PTPRG: variants seen among roughly 807,000 people sequenced by gnomAD.
PTPRG encodes protein tyrosine phosphatase receptor type G.
A neutral mutation model predicts 165.3 loss-of-function variants in PTPRG; 102 were observed. The observed-to-expected ratio is 0.62, with a 90% CI of 0.53 to 0.73. The LOEUF is 0.73. Among genes scored for constraint, PTPRG ranks in the 30% least tolerant of loss-of-function variants. The pLI is 0.00. For missense variants in PTPRG, 1,866 were observed against 1,861.4 expected (o/e 1.00, Z -0.05); for synonymous variants, 675 against 669.5 (o/e 1.01, Z -0.13).
chr3:61,608,219 GTCC>G (rs1351639498), intron 1 of PTPRG, among the ~76,000 whole-genome samples: 3 of 152,058 alleles, frequency 2.0e-5, no homozygotes, highest in Admixed American at 6.6e-5. Context: ...ACAGATATCT[GTCC>G]TCCTCCATAA....
At chr3:61,637,218 T>A (rs1162719972) in intron 1 of PTPRG, among the ~76,000 whole-genome samples, 1 of 152,254 alleles carries the variant, frequency 6.6e-6, no homozygotes, top group Non-Finnish European at 1.5e-5. Context: ...ATTATTCATG[T>A]CAGTTGCCTA....
At chr3:62,283,902 T>C (rs993199188) in intron 28 of PTPRG, among the ~76,000 whole-genome samples, 1 of 152,058 alleles carries the variant, frequency 6.6e-6, no homozygotes, top group Non-Finnish European at 1.5e-5. Context: ...AAATTAAGAT[T>C]TGAAAAGCAT....
In PTPRG at chr3:62,276,963, A is replaced by G. The variant is rs763931334; in HGVS notation, c.3560-9A>G. On this transcript the variant is annotated splice_polypyrimidine_tract_variant and intron_variant, in intron 24 of 29. Transcript: ENST00000474889. ...CAAATGTGGTGTTTTTGTTTTTTCC[A>G]TATGATAGCTGAGCGTGCTCGAGTG... 8 of 1,611,882 alleles carry G rather than the reference A, an allele frequency of 5.0e-6. No homozygotes were observed. The highest frequency in any genetic ancestry group is 2.2e-5 in the East Asian group (1 of 44,850).
intron 12 of PTPRG, among the ~76,000 whole-genome samples, chr3:62,212,971 C>G (rs1463645177): frequency 6.6e-6 from 1 of 152,116 alleles, no homozygotes; most frequent in Non-Finnish European, 1.5e-5. Flanking sequence ...TCTGGATGAA[C>G]CAGAGATGGA....
intron 2 of PTPRG, among the ~76,000 whole-genome samples, chr3:61,919,259 C>G (rs1423236562): frequency 6.6e-6 from 1 of 152,076 alleles, no homozygotes; most frequent in Non-Finnish European, 1.5e-5. Flanking sequence ...GTTGGAGATA[C>G]AGATGTGGTT....
Position 61,976,336 on chromosome 3 carries a change from C to T in PTPRG, c.191-13289C>T, listed in dbSNP as rs1023604040. 3.9e-5 allele frequency among the ~76,000 whole-genome samples: 6 copies of T among 152,112 alleles called. No individual in the cohort carries two copies. In the South Asian group the frequency reaches 1.2e-3, roughly 32 times the overall value. On this transcript the variant is annotated intron_variant, in intron 2 of 29. Transcript: ENST00000474889. The stretch of plus-strand genomic sequence containing the variant: ...GATTTATTAAATTTGTGAATGTTGC[C>T]AGGAGGCATAGGTCAGAAATTGGAT...
intron 4 of PTPRG, among the ~76,000 whole-genome samples, chr3:62,035,745 C>G (rs1699918008): frequency 6.6e-6 from 1 of 152,162 alleles, no homozygotes; most frequent in Non-Finnish European, 1.5e-5. Context: ...TTATCATTCT[C>G]TAATGGAGGA....
At chr3:61,706,709 C>T (rs977520266) in intron 1 of PTPRG, among the ~76,000 whole-genome samples, 4 of 151,886 alleles carry the variant, frequency 2.6e-5, no homozygotes, top group Non-Finnish European at 4.4e-5. Flanking sequence ...AGGCTGGTCT[C>T]GAACTCCTGA....
chr3:61,664,132 G>A (rs1487121824), intron 1 of PTPRG, among the ~76,000 whole-genome samples: 1 of 152,196 alleles, frequency 6.6e-6, no homozygotes, highest in Non-Finnish European at 1.5e-5. Context: ...TAAGTTGTGA[G>A]TGATGAATTC....
intron 1 of PTPRG, among the ~76,000 whole-genome samples, chr3:61,692,581 G>A (rs969466671): frequency 6.6e-6 from 1 of 152,162 alleles, no homozygotes; most frequent in Non-Finnish European, 1.5e-5. Flanking sequence ...AGTCAGCGAG[G>A]CGAGGTAGGG....
intron 8 of PTPRG, among the ~76,000 whole-genome samples, chr3:62,170,771 A>C (rs1206508800): frequency 6.6e-6 from 1 of 152,126 alleles, no homozygotes; most frequent in Non-Finnish European, 1.5e-5. Context: ...ATGCAGTCCT[A>C]TTTGTGTGTT....
rs547270606 is a variant in PTPRG at position 62,255,721 on chromosome 3, C to A, written c.2559+506C>A. Among the ~76,000 whole-genome samples, 1 of 152,198 alleles carries A rather than the reference C, an allele frequency of 6.6e-6. No individual in the cohort carries two copies. Among genetic ancestry groups the A allele is most frequent in the Non-Finnish European group, 1.5e-5 (1 of 68,024 alleles). On this transcript the variant is annotated intron_variant, in intron 16 of 29. Coordinates refer to ENST00000474889, the MANE Select transcript of PTPRG (RefSeq NM_002841.4). This position sits in a 1 kb window ranked among gnomAD's most constrained non-coding sequence, Gnocchi z 4.0. ...GGCACCAATGTCACCTACATTGTAA[C>A]GTCGTTGGAAAAATAAATGATTAAC...
chr3:61,608,041 T>C (rs1701062441), intron 1 of PTPRG, among the ~76,000 whole-genome samples: 1 of 152,186 alleles, frequency 6.6e-6, no homozygotes, highest in African/African-American at 2.4e-5. Context: ...CTTTTATTAC[T>C]GCATGAGGGC....
chr3:62,101,900 A>G (rs986940150), intron 5 of PTPRG, among the ~76,000 whole-genome samples: 1 of 152,252 alleles, frequency 6.6e-6, no homozygotes, highest in Non-Finnish European at 1.5e-5. Flanking sequence ...CCGTACACAA[A>G]TAAACAGCAG....
chr3:61,951,068 G>T (rs1352549767), intron 2 of PTPRG, among the ~76,000 whole-genome samples: 2 of 152,244 alleles, frequency 1.3e-5, no homozygotes, highest in African/African-American at 2.4e-5. Flanking sequence ...ACAAGAAGCT[G>T]TAAATTGCCC....
Position 62,022,377 on chromosome 3 carries a change from C to T in PTPRG, c.519+18880C>T, listed in dbSNP as rs182312073. On this transcript the variant is annotated intron_variant, in intron 4 of 29. Transcript: ENST00000474889. Reference sequence around the variant, plus strand: ...ATCTAGTTTTGGTGCTAGGACTTGGCAGAACAATACCAGTATCTATGGGCA... The same window carrying T: ...ATCTAGTTTTGGTGCTAGGACTTGGTAGAACAATACCAGTATCTATGGGCA... Among the ~76,000 whole-genome samples, 189 of 152,242 alleles carry T rather than the reference C, an allele frequency of 1.2e-3. 1 individual carries two copies. Among genetic ancestry groups the T allele is most frequent in the African/African-American group, 4.3e-3 (179 of 41,550 alleles).
Position 61,572,131 on chromosome 3 carries a change from T to C in PTPRG, c.85+9759T>C, listed in dbSNP as rs79231643. Among the ~76,000 whole-genome samples the C allele has an allele frequency of 2.7e-3, 418 of 152,336 alleles. 6 individuals carry two copies. Among genetic ancestry groups the C allele is most frequent in the Admixed American group, 0.024 (364 of 15,306 alleles). On this transcript the variant is annotated intron_variant, in intron 1 of 29. Transcript: ENST00000474889. The stretch of plus-strand genomic sequence containing the variant: ...CTGTGAGGGTTTGCTTCCTAAGGCG[T>C]TGAGAACCCTTCCATTATCTTGCTA...
At chr3:62,059,574 AC>A (rs1422776675) in intron 4 of PTPRG, among the ~76,000 whole-genome samples, 1 of 152,248 alleles carries the variant, frequency 6.6e-6, no homozygotes, top group African/African-American at 2.4e-5. Context: ...ACAGTGGCTC[AC>A]GCCTATAATC....
intron 27 of PTPRG, among the ~76,000 whole-genome samples, chr3:62,281,962 T>C (rs1305737291): frequency 6.6e-6 from 1 of 151,984 alleles, no homozygotes; most frequent in Non-Finnish European, 1.5e-5. Context: ...AAAAACAATA[T>C]ACTAGAACTC....
Sources: gnomAD v4.1 joint callset for allele counts (sites outside exome capture counted in the v4.1 genomes callset) on GRCh38, gnomAD v4.1.1 for gene constraint, Gnocchi (gnomAD v3.1) non-coding constraint, MANE v1.5 for transcripts, NCBI Gene and HGNC (gene_info 2026-07-23, HGNC 2026-07-21) for gene names.